NR1D2: variants seen among roughly 807,000 people sequenced by gnomAD.
NR1D2 encodes nuclear receptor subfamily 1 group D member 2.
A neutral mutation model predicts 52.2 loss-of-function variants in NR1D2; 25 were observed. The observed-to-expected ratio is 0.48, with a 90% CI of 0.35 to 0.67. The LOEUF is 0.67. Among genes scored for constraint, NR1D2 ranks in the 30% least tolerant of loss-of-function variants. NR1D2 has a pLI of 0.01. For synonymous variants in NR1D2, 259 were observed against 230.1 expected, an observed-to-expected ratio of 1.13 and a Z score of -1.14; for missense variants, 681 against 707.2, an observed-to-expected ratio of 0.96 and a Z score of 0.42.
intron 7 of NR1D2, among the ~76,000 whole-genome samples, chr3:23,973,161 C>A (rs1706634634): frequency 6.6e-6 from 1 of 152,130 alleles, no homozygotes; most frequent in Admixed American, 6.5e-5. Context: ...TACTGTCATT[C>A]TTTCTCAGTT....
intron 1 of NR1D2, among the ~76,000 whole-genome samples, chr3:23,953,010 G>A (rs542832556): frequency 1.3e-5 from 2 of 149,146 alleles, no homozygotes; most frequent in Non-Finnish European, 3.0e-5. Flanking sequence ...GGATTGTTTT[G>A]GCCTCAGCAT....
chr3:23,959,595 A>G, intron 3 of NR1D2, 76 bp from the exon 4 acceptor site: 1 of 1,379,486 alleles, frequency 7.2e-7, no homozygotes, highest in Non-Finnish European at 1.0e-6. Flanking sequence ...TACACTAGAT[A>G]GGTATGGGAG....
chr3:23,954,895 TG>T, intron 2 of NR1D2, 92 bp downstream of exon 2: 2 of 1,199,156 alleles, frequency 1.7e-6, no homozygotes, highest in Non-Finnish European at 2.4e-6. Flanking sequence ...ATTATGTTTC[TG>T]GGTACAGTTT....
At chr3:23,970,007 G>T (rs1031572365) in intron 7 of NR1D2, among the ~76,000 whole-genome samples, 6 of 152,180 alleles carry the variant, frequency 3.9e-5, no homozygotes, top group African/African-American at 1.2e-4. Context: ...GGGAGCACCA[G>T]GTTATGGACT....
intron 7 of NR1D2, among the ~76,000 whole-genome samples, chr3:23,974,885 C>G (rs1227463136): frequency 6.7e-6 from 1 of 149,960 alleles, no homozygotes; most frequent in African/African-American, 2.5e-5. Context: ...GGGGCATGAT[C>G]TCGACTCACT....
intron 1 of NR1D2, 109 bp from the exon 2 acceptor site, chr3:23,954,428 A>G (rs1706029349): frequency 4.4e-6 from 4 of 907,660 alleles, no homozygotes; most frequent in South Asian, 1.6e-5. Context: ...CAAACATTTC[A>G]TATCAGTATC....
Position 23,962,367 on chromosome 3 carries a change from A to T in NR1D2, c.908A>T (p.Asn303Ile), listed in dbSNP as rs140541857. The change falls in exon 5 of 8, where the codon AAT becomes ATT. Residue 303 changes from asparagine (N) to isoleucine (I), a missense_variant. Asn to Ile is a moderately radical substitution (Grantham distance 149). Transcript: ENST00000312521. ...QYNLNHDHCGNGLSSHFPCSE... is the reference protein window; with the variant it reads ...QYNLNHDHCGIGLSSHFPCSE... Reference sequence around the variant, plus strand: ...AATTTAAATCATGATCATTGCGGCAATGGGCTTAGCAGCCATTTTCCCTGT... The same window carrying T: ...AATTTAAATCATGATCATTGCGGCATTGGGCTTAGCAGCCATTTTCCCTGT... The T allele has an allele frequency of 2.5e-6, 4 of 1,614,086 alleles. No individual in the cohort carries two copies. The East Asian group carries it at 8.9e-5, about 36-fold the overall frequency.
chr3:23,969,105 T>C (rs781731153), intron 7 of NR1D2, among the ~76,000 whole-genome samples: 20 of 151,990 alleles, frequency 1.3e-4, no homozygotes, highest in Non-Finnish European at 2.5e-4. Context: ...GCCAACATGG[T>C]GAAACCCCCT....
rs950338950 is a variant in NR1D2, at chr3:23,962,478, A to G, written c.1019A>G (p.Asn340Ser). The G allele has an allele frequency of 2.5e-6, 4 of 1,614,078 alleles. No homozygotes were observed. The highest frequency in any genetic ancestry group is 2.2e-5 in the East Asian group (1 of 44,900). ...AATGGTCATGCCATTTGTATTGCAA[A>G]TGGACATTGTATGAACTTCTCCAAT... ...YPNGHAICIA[N>S]GHCMNFSNAY... Residue 340 changes from asparagine to serine, a missense_variant, in exon 5 of 8, where the codon AAT becomes AGT. By Grantham distance (46) the Asn-to-Ser change is conservative. Coordinates refer to ENST00000312521, the MANE Select transcript of NR1D2 (RefSeq NM_005126.5).
At chr3:23,949,611 C>A (rs1435728053) in intron 1 of NR1D2, among the ~76,000 whole-genome samples, 2 of 152,276 alleles carry the variant, frequency 1.3e-5, no homozygotes, top group South Asian at 2.1e-4. Flanking sequence ...AGGGAAAGGA[C>A]CATGCTGTTC....
At chr3:23,968,103 C>T (rs1255685253) in intron 7 of NR1D2, 80 bp downstream of exon 7, 4 of 1,115,626 alleles carry the variant, frequency 3.6e-6, no homozygotes, top group Non-Finnish European at 5.5e-6. Context: ...AACAGGGTTC[C>T]AGAAAGTTAT....
At position 23,967,887 on chromosome 3, in the gene NR1D2, T is replaced by C. The variant is rs763607417; in HGVS notation, c.1407T>C (p.Tyr469=). The change falls in exon 7 of 8, where the codon TAT becomes TAC. Residue 469 remains tyrosine, a synonymous_variant. Transcript: ENST00000312521. Reference sequence around the variant, plus strand: ...TCACCTTTTTAAGTGGAAAGAAATATAGTGTGGATGATTTACACTCAATGG... The same window carrying C: ...TCACCTTTTTAAGTGGAAAGAAATACAGTGTGGATGATTTACACTCAATGG... The part of the protein sequence containing the change: ...RTVTFLSGKK[Y]SVDDLHSMGA... 3.3e-5 allele frequency: 53 copies of C among 1,613,972 alleles called. No individual in the cohort carries two copies. The highest frequency in any genetic ancestry group is 8.0e-5 in the African/African-American group (6 of 74,940).
chr3:23,978,055 TTC>T lies in NR1D2; in HGVS notation c.*638_*639del, dbSNP rs1706781039. 6.6e-6 allele frequency: 1 copy of T among 152,150 alleles called. No homozygotes were observed. The highest frequency in any genetic ancestry group is 2.4e-5 in the African/African-American group (1 of 41,434). The allele number at this position is 152,150 out of a possible 1,614,324, so 9.4% of individuals were successfully genotyped here. A position where few individuals can be genotyped will look rare whatever the true frequency, so the allele number is the denominator to read the frequency against. ...AGGCACTATGTAAATAAGGTAAAAT[TTC>T]TGTTATTACAATTATTCATAATAAT... On this transcript the variant is annotated 3_prime_UTR_variant, in exon 8 of 8. Transcript: ENST00000312521.
chr3:23,955,804 CAG>C (rs1309290389), intron 2 of NR1D2, among the ~76,000 whole-genome samples: 1 of 151,048 alleles, frequency 6.6e-6, no homozygotes, highest in African/African-American at 2.4e-5. Flanking sequence ...GCCTGGGCGA[CAG>C]AGGGAGACTC....
intron 1 of NR1D2, among the ~76,000 whole-genome samples, chr3:23,948,547 C>T (rs1705841068): frequency 6.6e-6 from 1 of 152,134 alleles, no homozygotes; most frequent in Admixed American, 6.5e-5. Flanking sequence ...TGGTTTGAAC[C>T]ATTCTGTTGG....
chr3:23,974,773 C>T (rs1294591418), intron 7 of NR1D2, among the ~76,000 whole-genome samples: 2 of 151,268 alleles, frequency 1.3e-5, no homozygotes, highest in African/African-American at 4.9e-5. Context: ...GTAGTTTTGT[C>T]TGAAAAATTG....
chr3:23,970,105 T>A (rs1356918138), intron 7 of NR1D2, among the ~76,000 whole-genome samples: 2 of 152,254 alleles, frequency 1.3e-5, no homozygotes, highest in African/African-American at 4.8e-5. Context: ...GAGAGTGATC[T>A]GGTTGAACAA....
At chr3:23,946,228 C>G (rs974232909) in intron 1 of NR1D2, 7 of 985,440 alleles carry the variant, frequency 7.1e-6, no homozygotes, top group Non-Finnish European at 8.4e-6. Context: ...CGCAGTGCAC[C>G]GGACGCCGCA....
In NR1D2 at chr3:23,960,625, C is replaced by T. The variant is rs541873789; in HGVS notation, c.517+810C>T. ...GGGATTACAGGTGTGAGCCATCAGGCGTGGCCAGGAGTTTTTTGAGTAACA... is the reference window on the plus strand; with the variant it reads ...GGGATTACAGGTGTGAGCCATCAGGTGTGGCCAGGAGTTTTTTGAGTAACA... On this transcript the variant is annotated intron_variant, in intron 4 of 7. Transcript: ENST00000312521. Among the ~76,000 whole-genome samples the T allele has an allele frequency of 5.9e-5, 9 of 152,266 alleles. No homozygotes were observed. In the South Asian group the frequency reaches 1.2e-3, roughly 21 times the overall value.
Sources: gnomAD v4.1 joint callset for allele counts (sites outside exome capture counted in the v4.1 genomes callset) on GRCh38, gnomAD v4.1.1 for gene constraint, MANE v1.5 for transcripts, NCBI Gene and HGNC (gene_info 2026-07-23, HGNC 2026-07-21) for gene names.